UBE2J2: variants seen among roughly 807,000 people sequenced by gnomAD.
The protein encoded by UBE2J2 is ubiquitin-conjugating enzyme E2 J2.
A neutral mutation model predicts 28.6 loss-of-function variants in UBE2J2; 5 were observed. That is an observed-to-expected ratio of 0.17 (90% CI 0.09 to 0.37). The LOEUF is 0.37. Among genes scored for constraint, UBE2J2 ranks in the 10% least tolerant of loss-of-function variants. UBE2J2 has a pLI of 1.00. For synonymous variants in UBE2J2, 138 were observed against 139.7 expected (o/e 0.99, Z 0.09); for missense variants, 226 against 338.9 (o/e 0.67, Z 2.62).
intron 1 of UBE2J2, among the ~76,000 whole-genome samples, chr1:1,272,608 C>T (rs1640210993): frequency 6.9e-6 from 1 of 144,244 alleles, no homozygotes; most frequent in South Asian, 2.1e-4. Flanking sequence ...CTCACACATG[C>T]ACCTGCCTGG....
At chr1:1,262,487 G>A (rs116082107) in intron 3 of UBE2J2, 10,685 of 345,370 alleles carry the variant, frequency 0.031, 229 homozygotes, top group African/African-American at 0.062. Context: ...CAACCCTCCC[G>A]ACAGTCCAAA....
chr1:1,263,695 T>C (rs1049198693), intron 2 of UBE2J2: 1 of 273,668 alleles, frequency 3.7e-6, no homozygotes, highest in African/African-American at 2.2e-5. Context: ...CTTAAATAAA[T>C]TTTAATTTCA....
chr1:1,256,364 C>T, intron 5 of UBE2J2: 1 of 435,332 alleles, frequency 2.3e-6, no homozygotes, highest in Non-Finnish European at 4.1e-6. Flanking sequence ...GCCACCAAAG[C>T]ACCGGGCTCC....
intron 3 of UBE2J2, among the ~76,000 whole-genome samples, chr1:1,259,079 C>T (rs1639388862): frequency 6.7e-6 from 1 of 149,288 alleles, no homozygotes; most frequent in African/African-American, 2.5e-5. Context: ...GTGTGCATGC[C>T]ATCAGGACGC....
intron 3 of UBE2J2, among the ~76,000 whole-genome samples, chr1:1,260,295 C>CT (rs1639480627): frequency 6.6e-6 from 1 of 152,224 alleles, no homozygotes; most frequent in African/African-American, 2.4e-5. Flanking sequence ...AACAGGCTTG[C>CT]TTAAAAGAGG....
chr1:1,256,234 G>T, intron 5 of UBE2J2, 109 bp from the exon 6 acceptor site: 1 of 767,558 alleles, frequency 1.3e-6, no homozygotes. Flanking sequence ...GTTGCAGAAA[G>T]CATTTAATAA....
intron 5 of UBE2J2, 189 bp from the exon 6 acceptor site, chr1:1,256,314 G>A (rs995870836): frequency 2.2e-5 from 12 of 537,140 alleles, no homozygotes; most frequent in Non-Finnish European, 3.6e-5. Context: ...ATCAATTCAT[G>A]ATATCACACT....
chr1:1,255,322 G>C lies in UBE2J2; in HGVS notation c.661C>G (p.Gln221Glu). 6.2e-7 allele frequency: 1 copy of C among 1,613,772 alleles called. No individual in the cohort carries two copies. The highest frequency in any genetic ancestry group is 8.5e-7 in the Non-Finnish European group (1 of 1,180,016). Residue 221 changes from glutamine to glutamate, a missense_variant, in exon 7 of 7, where the codon CAG becomes GAG. Around this residue, in one of 3 missense-constraint regions of UBE2J2, gnomAD observed 133 missense variants for 161.5 expected, o/e 0.82. Transcript: ENST00000349431. ...AGGAGTCCGTGGTGCCGGTTGGCCT[G>C]CTGGAGCCCTGCGAGGTTTGGGACG... ...GAVPNLAGLQ[Q>E]ANRHHGLLGG...
chr1:1,256,916 G>A, intron 5 of UBE2J2, 76 bp downstream of exon 5: 3 of 904,870 alleles, frequency 3.3e-6, no homozygotes, highest in South Asian at 3.5e-5. Context: ...AAAAAAGGCA[G>A]CTGCAACTCA....
intron 1 of UBE2J2, among the ~76,000 whole-genome samples, chr1:1,270,841 C>G (rs992529350): frequency 6.6e-6 from 1 of 152,094 alleles, no homozygotes; most frequent in Non-Finnish European, 1.5e-5. Context: ...ATTCCCAGCT[C>G]CCAAGACAGA....
intron 3 of UBE2J2, among the ~76,000 whole-genome samples, chr1:1,259,866 C>T (rs1490767407): frequency 1.3e-5 from 2 of 152,340 alleles, no homozygotes; most frequent in African/African-American, 4.8e-5. Context: ...GCAGAACGCC[C>T]TGGACCCAAT....
Position 1,255,505 on chromosome 1 carries a change from A to G in UBE2J2, c.496-18T>C. 3 of 1,597,974 alleles carry G rather than the reference A, an allele frequency of 1.9e-6. No individual in the cohort carries two copies. Among genetic ancestry groups the G allele is most frequent in the Non-Finnish European group, 2.6e-6 (3 of 1,169,216 alleles). On this transcript the variant is annotated intron_variant, in intron 6 of 6. Coordinates refer to ENST00000349431, the MANE Select transcript of UBE2J2 (RefSeq NM_058167.3). ...TTAATCTCCTAAGAGAAAAACAGCGAGAAAAGCAGCTGGTCTCCAACCAGC... is the reference window on the plus strand; with the variant it reads ...TTAATCTCCTAAGAGAAAAACAGCGGGAAAAGCAGCTGGTCTCCAACCAGC...
At chr1:1,259,063 A>G (rs1394425369) in intron 3 of UBE2J2, among the ~76,000 whole-genome samples, 4 of 144,196 alleles carry the variant, frequency 2.8e-5, no homozygotes, top group African/African-American at 5.3e-5. Flanking sequence ...ACGTGTGTGC[A>G]TGTGTGTGTG....
chr1:1,255,410 T>C lies in UBE2J2; in HGVS notation c.573A>G (p.Pro191=). Residue 191 remains proline (P), a synonymous_variant, in exon 7 of 7, where the codon CCA becomes CCG. Coordinates refer to ENST00000349431, the MANE Select transcript of UBE2J2 (RefSeq NM_058167.3). ...TCTGGACGAGGTGCGTCTCCCCGTCTGGAACCACGTCTGGCAAGGGGAGAG... is the reference window on the plus strand; with the variant it reads ...TCTGGACGAGGTGCGTCTCCCCGTCCGGAACCACGTCTGGCAAGGGGAGAG... ...PQTLPLPDVV[P]DGETHLVQNG... The C allele has an allele frequency of 6.2e-7, 1 of 1,613,922 alleles. No homozygotes were observed. The highest frequency in any genetic ancestry group is 1.1e-5 in the South Asian group (1 of 91,088).
At chr1:1,259,999 T>C (rs1452030881) in intron 3 of UBE2J2, among the ~76,000 whole-genome samples, 3 of 152,082 alleles carry the variant, frequency 2.0e-5, no homozygotes, top group East Asian at 1.9e-4. Flanking sequence ...CTCCCTCCCA[T>C]AGATCCTAAA....
chr1:1,263,357 G>T lies in UBE2J2; in HGVS notation c.161C>A (p.Thr54Asn). ...CACAGAATCCTTACCTTCATAAGGG[G>T]TCATCTCTGGGCCTCGGACGACATA... ...WHYVVRGPEM[T>N]PYEGGYYHGK... is the part of the protein sequence containing the mutation. Residue 54 changes from threonine (T) to asparagine (N), a missense_variant, in exon 3 of 7, where the codon ACC becomes AAC. Physicochemically the swap from Thr to Asn is moderately conservative, Grantham distance 65. Around this residue, in one of 3 missense-constraint regions of UBE2J2, gnomAD observed 80 missense variants for 114.5 expected, o/e 0.70. Transcript: ENST00000349431. The T allele has an allele frequency of 6.2e-7, 1 of 1,613,508 alleles. No individual in the cohort carries two copies. Among genetic ancestry groups the T allele is most frequent in the Non-Finnish European group, 8.5e-7 (1 of 1,179,530 alleles).
chr1:1,266,707 G>C (rs1639890585), intron 2 of UBE2J2, among the ~76,000 whole-genome samples: 1 of 151,560 alleles, frequency 6.6e-6, no homozygotes. Context: ...GGCGCCTGTA[G>C]TCCCAGCTAC....
At chr1:1,259,281 ATGCCATCAGGACGCGTGTGCACGTGCG>A (rs1466592191) in intron 3 of UBE2J2, among the ~76,000 whole-genome samples, 19 of 151,046 alleles carry the variant, frequency 1.3e-4, no homozygotes, top group Non-Finnish European at 2.2e-4. Context: ...GTGTATGTGC[ATGCCATCAGGACGCGTGTGCACGTGCG>A]TGCCATCAGG....
intron 2 of UBE2J2, 65 bp downstream of exon 2, chr1:1,267,797 G>A: frequency 6.3e-7 from 1 of 1,591,840 alleles, no homozygotes; most frequent in Non-Finnish European, 8.6e-7. Context: ...CGCCCAGCAG[G>A]GGCCGGCAGA....
Sources: allele counts gnomAD v4.1 joint callset (sites outside exome capture counted in the v4.1 genomes callset), GRCh38; gene constraint gnomAD v4.1.1; regional missense constraint gnomAD v4.1.1; transcripts MANE v1.5; gene names NCBI Gene and HGNC (gene_info 2026-07-23, HGNC 2026-07-21).